Variants in MEDAG observed in about 807,000 individuals in gnomAD.
MEDAG encodes the protein mesenteric estrogen dependent adipogenesis.
In MEDAG, 25 loss-of-function variants were observed where a neutral mutation model predicts 29.9. The observed-to-expected ratio is 0.84, with a 90% CI of 0.61 to 1.17. The LOEUF is 1.17. Among genes scored for constraint, MEDAG ranks in the 50% most tolerant of loss-of-function variants. The pLI is 0.00. For synonymous variants in MEDAG, 158 were observed against 148.2 expected (o/e 1.07, Z -0.48); for missense variants, 398 against 372.9 (o/e 1.07, Z -0.56).
chr13:30,918,135 T>G (rs1488117677), intron 2 of MEDAG, among the ~76,000 whole-genome samples: 3 of 152,186 alleles, frequency 2.0e-5, no homozygotes, highest in Non-Finnish European at 4.4e-5. Flanking sequence ...GGAAGTGATC[T>G]GACATTCTGA....
intron 1 of MEDAG, among the ~76,000 whole-genome samples, chr13:30,910,920 G>T (rs375971900): frequency 5.3e-5 from 8 of 152,250 alleles, no homozygotes; most frequent in Admixed American, 2.0e-4. Context: ...TTGAGGCTGG[G>T]AGGTTGGAAG....
At chr13:30,917,903 C>A (rs1470387368) in intron 2 of MEDAG, among the ~76,000 whole-genome samples, 3 of 152,172 alleles carry the variant, frequency 2.0e-5, no homozygotes, top group Non-Finnish European at 2.9e-5. Flanking sequence ...CAAACCATAT[C>A]AGTATATAAA....
chr13:30,915,694 C>G (rs7996297), intron 1 of MEDAG, among the ~76,000 whole-genome samples: 6,582 of 152,150 alleles, frequency 0.043, 474 homozygotes, highest in African/African-American at 0.15. Flanking sequence ...ATCTCACCCC[C>G]TTTCTCCTGT....
At position 30,906,747 on chromosome 13, in the gene MEDAG, G is replaced by A. The variant is rs1031639600; in HGVS notation, c.232G>A (p.Val78Met). ...CTTCAACGTCTTCGGTGACGGCCTC[G>A]TGCGCCTCGACGGGCAGCTCTACCG... ...GGFNVFGDGL[V>M]RLDGQLYRLS... Residue 78 changes from valine to methionine, a missense_variant, in exon 1 of 5, where the codon GTG becomes ATG. Val to Met is a conservative substitution (Grantham distance 21, BLOSUM62 1). Coordinates refer to ENST00000380482, the MANE Select transcript of MEDAG (RefSeq NM_032849.4). 1.1e-5 allele frequency: 16 copies of A among 1,511,776 alleles called. No homozygotes were observed. The highest frequency in any genetic ancestry group is 5.1e-5 in the South Asian group (4 of 78,802). 93.6% of individuals were successfully genotyped at this position (1,511,776 alleles called of 1,614,324 possible).
rs983584112 is a variant in MEDAG, at chr13:30,925,095, C to G, written c.*660C>G. The G allele has an allele frequency of 6.6e-6, 1 of 152,162 alleles. No homozygotes were observed. The highest frequency in any genetic ancestry group is 1.5e-5 in the Non-Finnish European group (1 of 68,032). The allele number at this position is 152,162 out of a possible 1,614,324, so 9.4% of individuals were successfully genotyped here. On this transcript the variant is annotated 3_prime_UTR_variant, in exon 5 of 5. Coordinates refer to ENST00000380482, the MANE Select transcript of MEDAG (RefSeq NM_032849.4). Reference sequence around the variant, plus strand: ...AAATCGGAACTCCCTTGGCCTCCCTCTTAACTAAGTGACCCATGTAGAAGG... The same window carrying G: ...AAATCGGAACTCCCTTGGCCTCCCTGTTAACTAAGTGACCCATGTAGAAGG...
At chr13:30,919,013 C>T (rs899282962) in intron 2 of MEDAG, among the ~76,000 whole-genome samples, 3 of 152,176 alleles carry the variant, frequency 2.0e-5, no homozygotes, top group Non-Finnish European at 4.4e-5. Flanking sequence ...TTCATTTTAA[C>T]ATTTAAATGA....
At chr13:30,909,496 A>G (rs1236438040) in intron 1 of MEDAG, among the ~76,000 whole-genome samples, 1 of 152,132 alleles carries the variant, frequency 6.6e-6, no homozygotes. Context: ...CAAGATGGCC[A>G]GGGATCCCAA....
At position 30,924,460 on chromosome 13, in the gene MEDAG, C is replaced by A; in HGVS notation, c.*25C>A. The A allele has an allele frequency of 4.3e-6, 7 of 1,611,458 alleles. No individual in the cohort carries two copies. Among genetic ancestry groups the A allele is most frequent in the Non-Finnish European group, 5.9e-6 (7 of 1,178,610 alleles). ...ATTGAACTGAACATTGTAGCAGTTG[C>A]TCCCGCACTCCAGGCCTGTGCTAGA... On this transcript the variant is annotated 3_prime_UTR_variant, in exon 5 of 5. Transcript: ENST00000380482.
In MEDAG at chr13:30,909,870, C is replaced by G. The variant is rs1019725758; in HGVS notation, c.278+3077C>G. Reference sequence around the variant, plus strand: ...CAACAGGATGATTTTAGCAGCCCTACTTAGGTTCATTTTCTAATACTTTAA... The same window carrying G: ...CAACAGGATGATTTTAGCAGCCCTAGTTAGGTTCATTTTCTAATACTTTAA... On this transcript the variant is annotated intron_variant, in intron 1 of 4. Coordinates refer to ENST00000380482, the MANE Select transcript of MEDAG (RefSeq NM_032849.4). 1.1e-4 allele frequency among the ~76,000 whole-genome samples: 16 copies of G among 152,148 alleles called. 1 individual carries two copies. The highest frequency in any genetic ancestry group is 4.4e-5 in the Non-Finnish European group (3 of 68,032).
At chr13:30,910,085 T>C (rs1952867251) in intron 1 of MEDAG, among the ~76,000 whole-genome samples, 1 of 152,140 alleles carries the variant, frequency 6.6e-6, no homozygotes, top group South Asian at 2.1e-4. Flanking sequence ...TTCGCCCATG[T>C]TGTAAACACA....
intron 1 of MEDAG, chr13:30,908,841 G>A (rs1952854529): frequency 6.6e-6 from 1 of 152,528 alleles, no homozygotes; most frequent in African/African-American, 2.4e-5. Context: ...AAGATCTCAG[G>A]GCTGGGTGCA....
At chr13:30,911,140 G>A (rs1952878612) in intron 1 of MEDAG, among the ~76,000 whole-genome samples, 1 of 152,144 alleles carries the variant, frequency 6.6e-6, no homozygotes, top group African/African-American at 2.4e-5. Flanking sequence ...CTATAAAGTG[G>A]GAATAGTAAT....
At position 30,912,137 on chromosome 13, in the gene MEDAG, G is replaced by T. The variant is rs1415947670; in HGVS notation, c.279-5266G>T. Among the ~76,000 whole-genome samples, 5 of 152,096 alleles carry T rather than the reference G, an allele frequency of 3.3e-5. No homozygotes were observed. In the East Asian group the frequency reaches 9.6e-4, roughly 29 times the overall value. On this transcript the variant is annotated intron_variant, in intron 1 of 4. Coordinates refer to ENST00000380482, the MANE Select transcript of MEDAG (RefSeq NM_032849.4). ...CCCATCAGAGTTTTACACACACTAAGTGTCAATAATTCCTTAAGGAATGAA... is the reference window on the plus strand; with the variant it reads ...CCCATCAGAGTTTTACACACACTAATTGTCAATAATTCCTTAAGGAATGAA...
intron 1 of MEDAG, 48 bp downstream of exon 1, chr13:30,906,841 A>T: frequency 7.1e-7 from 1 of 1,413,072 alleles, no homozygotes; most frequent in Non-Finnish European, 9.2e-7. Flanking sequence ...GTACCCGCAG[A>T]CGCCTCCACC....
chr13:30,915,097 C>A (rs1387122809), intron 1 of MEDAG, among the ~76,000 whole-genome samples: 3 of 152,138 alleles, frequency 2.0e-5, no homozygotes, highest in Admixed American at 6.5e-5. Flanking sequence ...TTATGTCAAC[C>A]AGACTTGCCC....
At chr13:30,912,663 C>G (rs1228065779) in intron 1 of MEDAG, among the ~76,000 whole-genome samples, 1 of 152,162 alleles carries the variant, frequency 6.6e-6, no homozygotes, top group Non-Finnish European at 1.5e-5. Flanking sequence ...CTTTCAGTGG[C>G]TCCTGATTTG....
intron 2 of MEDAG, among the ~76,000 whole-genome samples, chr13:30,917,946 T>C (rs898140387): frequency 6.6e-6 from 1 of 152,142 alleles, no homozygotes; most frequent in Non-Finnish European, 1.5e-5. Flanking sequence ...GGGACCAAAC[T>C]GGGCTGAGGT....
rs775047254 is a variant in MEDAG at position 30,917,403 on chromosome 13, G to C, written c.279G>C (p.Arg93Ser). The change falls in exon 2 of 5, where the codon AGG becomes AGC. Residue 93 changes from arginine (R) to serine (S), a missense_variant and splice_region_variant. Coordinates refer to ENST00000380482, the MANE Select transcript of MEDAG (RefSeq NM_032849.4). ...QLYRLSSYIK[R>S]YVELTNYCDY... ...TGCAATGATCTCTGCTTCTTCATAG[G>C]TATGTGGAACTGACCAACTACTGTG... is the stretch of plus-strand genomic sequence containing the variant. 6.6e-7 allele frequency: 1 copy of C among 1,522,276 alleles called. No individual in the cohort carries two copies. The highest frequency in any genetic ancestry group is 9.1e-7 in the Non-Finnish European group (1 of 1,096,702). 94.3% of individuals were successfully genotyped at this position (1,522,276 alleles called of 1,614,324 possible).
At chr13:30,913,425 C>G (rs1363286725) in intron 1 of MEDAG, among the ~76,000 whole-genome samples, 1 of 152,122 alleles carries the variant, frequency 6.6e-6, no homozygotes, top group Non-Finnish European at 1.5e-5. Context: ...CTAGGCTGGT[C>G]TGGAACTGTG....
Sources: allele counts gnomAD v4.1 joint callset (sites outside exome capture counted in the v4.1 genomes callset), GRCh38; gene constraint gnomAD v4.1.1; transcripts MANE v1.5; gene names NCBI Gene and HGNC (gene_info 2026-07-23, HGNC 2026-07-21).